NME7: variants seen among roughly 807,000 people sequenced by gnomAD.
The protein encoded by NME7 is NME/NM23 family member 7.
Under a neutral mutation model 49.1 loss-of-function variants are expected in NME7, and 41 were observed. The observed-to-expected ratio is 0.83, with a 90% CI of 0.65 to 1.08. NME7 has a LOEUF of 1.08. NME7 is among the 50% of genes least tolerant of loss of function. The pLI, the probability that NME7 is intolerant of heterozygous loss-of-function variation, is 0.00. For synonymous variants in NME7, 139 were observed against 150.6 expected, an observed-to-expected ratio of 0.92 and a Z score of 0.56; for missense variants, 423 against 463.4, an observed-to-expected ratio of 0.91 and a Z score of 0.80.
At chr1:169,363,596 A>G (rs1394183804) in intron 1 of NME7, among the ~76,000 whole-genome samples, 1 of 152,154 alleles carries the variant, frequency 6.6e-6, no homozygotes, top group Non-Finnish European at 1.5e-5. Context: ...ATTTTGCACC[A>G]TATTTTCCCT....
At chr1:169,272,794 C>T (rs186790212) in intron 7 of NME7, among the ~76,000 whole-genome samples, 1,426 of 133,224 alleles carry the variant, frequency 0.011, 375 homozygotes, top group Non-Finnish European at 0.02. Context: ...GATTTACATT[C>T]CTTTGGGTAT....
intron 11 of NME7, among the ~76,000 whole-genome samples, chr1:169,135,354 G>A (rs1658399106): frequency 6.6e-6 from 1 of 152,118 alleles, no homozygotes; most frequent in African/African-American, 2.4e-5. Context: ...ACCTTTCAAA[G>A]CTCAGTAATA....
chr1:169,338,826 A>G (rs1456042174), intron 1 of NME7, among the ~76,000 whole-genome samples: 1 of 152,218 alleles, frequency 6.6e-6, no homozygotes, highest in Non-Finnish European at 1.5e-5. Context: ...AGGTCAGATA[A>G]GTTAAATGAC....
intron 1 of NME7, among the ~76,000 whole-genome samples, chr1:169,361,823 C>T (rs1404925584): frequency 2.0e-5 from 3 of 150,284 alleles, no homozygotes; most frequent in African/African-American, 4.9e-5. Context: ...ACCAGAAAAG[C>T]TATTAGGAGA....
intron 3 of NME7, among the ~76,000 whole-genome samples, chr1:169,315,494 G>T (rs1044578273): frequency 2.0e-5 from 3 of 152,018 alleles, no homozygotes; most frequent in African/African-American, 7.2e-5. Context: ...TCCAACTCCT[G>T]ACCTCAACTG....
intron 7 of NME7, among the ~76,000 whole-genome samples, chr1:169,265,258 T>A (rs1471518036): frequency 7.6e-6 from 1 of 131,610 alleles, no homozygotes; most frequent in Non-Finnish European, 1.8e-5. Flanking sequence ...CTCAGCAAAC[T>A]CAAGAAAACT....
At chr1:169,215,213 T>A (rs1458041989) in intron 10 of NME7, among the ~76,000 whole-genome samples, 1 of 152,190 alleles carries the variant, frequency 6.6e-6, no homozygotes, top group Non-Finnish European at 1.5e-5. Flanking sequence ...CCTTCTGACA[T>A]CCAGCCATCA....
chr1:169,201,534 T>A (rs898256489), intron 10 of NME7, among the ~76,000 whole-genome samples: 1 of 152,028 alleles, frequency 6.6e-6, no homozygotes, highest in African/African-American at 2.4e-5. Context: ...GAACTGGAAA[T>A]GGACAGAAAG....
At chr1:169,307,267 C>T (rs770855704) in intron 4 of NME7, among the ~76,000 whole-genome samples, 12 of 152,032 alleles carry the variant, frequency 7.9e-5, no homozygotes, top group East Asian at 1.9e-4. Context: ...TAAAAATGTG[C>T]GGGCAAAGAT....
At chr1:169,310,141 T>C in intron 3 of NME7, 61 bp from the exon 4 acceptor site, 1 of 1,008,416 alleles carries the variant, frequency 9.9e-7, no homozygotes, top group Non-Finnish European at 1.5e-6. Context: ...TTATTTATAA[T>C]TCCCAAGCAG....
chr1:169,172,295 AAAAC>A (rs1370250874), intron 10 of NME7, among the ~76,000 whole-genome samples: 7 of 151,886 alleles, frequency 4.6e-5, no homozygotes, highest in Non-Finnish European at 8.8e-5. Context: ...AAACAAAAAA[AAAAC>A]AAACCCACAA....
At chr1:169,183,777 A>G (rs1376354305) in intron 10 of NME7, among the ~76,000 whole-genome samples, 2 of 152,066 alleles carry the variant, frequency 1.3e-5, no homozygotes, top group Non-Finnish European at 1.5e-5. Context: ...GCTCCAGCCT[A>G]GGCGACAGAG....
intron 10 of NME7, among the ~76,000 whole-genome samples, chr1:169,186,932 G>A (rs1333241085): frequency 6.6e-6 from 1 of 152,124 alleles, no homozygotes; most frequent in Non-Finnish European, 1.5e-5. Context: ...CTGTGTTGAA[G>A]AGATTTTGGT....
At chr1:169,201,968 T>C (rs1660562457) in intron 10 of NME7, among the ~76,000 whole-genome samples, 1 of 152,188 alleles carries the variant, frequency 6.6e-6, no homozygotes, top group East Asian at 1.9e-4. Flanking sequence ...AGGGAAATGG[T>C]GTTTGCAAAA....
At chr1:169,222,248 T>C (rs1012012571) in intron 10 of NME7, among the ~76,000 whole-genome samples, 2 of 152,184 alleles carry the variant, frequency 1.3e-5, no homozygotes, top group Non-Finnish European at 2.9e-5. Flanking sequence ...GTAAGCTTGG[T>C]GCCCTGTGAG....
intron 11 of NME7, among the ~76,000 whole-genome samples, chr1:169,145,256 CTA>C (rs1315055643): frequency 3.3e-5 from 5 of 152,180 alleles, no homozygotes; most frequent in Non-Finnish European, 4.4e-5. Context: ...TAAGCTATTT[CTA>C]ACTCTAAGGT....
intron 10 of NME7, among the ~76,000 whole-genome samples, chr1:169,211,564 A>C (rs1209935321): frequency 6.6e-6 from 1 of 152,202 alleles, no homozygotes; most frequent in Non-Finnish European, 1.5e-5. Flanking sequence ...TTTAATTTTC[A>C]AAAGTCATTA....
At chr1:169,358,410 A>G (rs1337724190) in intron 1 of NME7, among the ~76,000 whole-genome samples, 1 of 152,094 alleles carries the variant, frequency 6.6e-6, no homozygotes, top group Admixed American at 6.6e-5. Context: ...CAGGACTGGA[A>G]TAAAGACTGA....
At chr1:169,213,546 T>C (rs981452162) in intron 10 of NME7, among the ~76,000 whole-genome samples, 18 of 152,162 alleles carry the variant, frequency 1.2e-4, no homozygotes, top group African/African-American at 4.1e-4. Flanking sequence ...ATATATGAAA[T>C]AGGCATCTTT....
Sources: allele counts gnomAD v4.1 joint callset (sites outside exome capture counted in the v4.1 genomes callset), GRCh38; gene constraint gnomAD v4.1.1; transcripts MANE v1.5; gene names NCBI Gene and HGNC (gene_info 2026-07-23, HGNC 2026-07-21).